Variants in LEPR observed in about 807,000 individuals in gnomAD.
The protein encoded by LEPR is OB receptor.
Under a neutral mutation model 114.7 loss-of-function variants are expected in LEPR, and 56 were observed. That is an observed-to-expected ratio of 0.49 (90% confidence interval 0.39 to 0.61). LEPR has a LOEUF of 0.61. Ranked by LOEUF, LEPR falls within the 20% of genes least tolerant of loss-of-function variation. LEPR has a pLI of 0.00. For synonymous variants in LEPR, 443 were observed against 461.4 expected, an observed-to-expected ratio of 0.96 and a Z score of 0.51; for missense variants, 1,202 against 1,352.9, an observed-to-expected ratio of 0.89 and a Z score of 1.75.
In LEPR at chr1:65,638,391, C is replaced by A. The variant is rs1421448926; in HGVS notation, c.*1376C>A. ...AATTCAAAGACAGCATATTGGGCAA[C>A]AAACTAAATTAAGAAACCTGCACAT... On this transcript the variant is annotated 3_prime_UTR_variant, in exon 20 of 20. Transcript: ENST00000349533. 6.6e-6 allele frequency: 1 copy of A among 152,074 alleles called. No individual in the cohort carries two copies. Among genetic ancestry groups the A allele is most frequent in the Admixed American group, 6.5e-5 (1 of 15,268 alleles). 9.4% of individuals were successfully genotyped at this position (152,074 alleles called of 1,614,324 possible). A position where few individuals can be genotyped will look rare whatever the true frequency, so the allele number is the denominator to read the frequency against.
chr1:65,507,493 G>GTGTGTGTATATATATATACATATA (rs1648804104), intron 2 of LEPR, among the ~76,000 whole-genome samples: 2 of 138,698 alleles, frequency 1.4e-5, no homozygotes, highest in African/African-American at 2.9e-5. Context: ...ATGTATATAT[G>GTGTGTGTATATATATATACATATA]TGTGTGTATA....
intron 2 of LEPR, 74 bp from the exon 3 acceptor site, chr1:65,565,472 G>A: frequency 6.9e-7 from 1 of 1,444,560 alleles, no homozygotes; most frequent in Non-Finnish European, 9.6e-7. Flanking sequence ...TTCCTTTTAT[G>A]TTTTCCACAG....
At chr1:65,428,226 C>T (rs1646417816) in intron 2 of LEPR, among the ~76,000 whole-genome samples, 1 of 152,026 alleles carries the variant, frequency 6.6e-6, no homozygotes, top group African/African-American at 2.4e-5. Flanking sequence ...AACAAGGTTT[C>T]TTGTACATTA....
chr1:65,487,706 AT>A (rs574644655), intron 2 of LEPR, among the ~76,000 whole-genome samples: 6,752 of 72,242 alleles, frequency 0.093, 475 homozygotes, highest in African/African-American at 0.19. Context: ...AAATTAAAAA[AT>A]TTTTTTTTAA....
chr1:65,626,069 C>T, intron 19 of LEPR: 1 of 1,542,918 alleles, frequency 6.5e-7, no homozygotes, highest in Non-Finnish European at 8.9e-7. Context: ...TGATCAGGCC[C>T]ACATCAGCAA....
chr1:65,566,409 G>A (rs1371360258), intron 3 of LEPR, among the ~76,000 whole-genome samples: 1 of 152,038 alleles, frequency 6.6e-6, no homozygotes, highest in Non-Finnish European at 1.5e-5. Flanking sequence ...CACTGCGTTG[G>A]CCAGATGGTC....
intron 2 of LEPR, chr1:65,432,408 A>G: frequency 1.2e-6 from 1 of 842,718 alleles, no homozygotes; most frequent in South Asian, 5.4e-5. Flanking sequence ...CTGAAGCCCC[A>G]CTCTGGACCC....
chr1:65,468,971 G>T (rs1647050011), intron 2 of LEPR, among the ~76,000 whole-genome samples: 2 of 152,180 alleles, frequency 1.3e-5, no homozygotes, highest in South Asian at 2.1e-4. Context: ...GAACTGAGAT[G>T]CATTTTCTGG....
intron 19 of LEPR, among the ~76,000 whole-genome samples, chr1:65,629,520 T>C (rs1234496382): frequency 6.6e-6 from 1 of 152,168 alleles, no homozygotes. Context: ...TTAAAAAATA[T>C]ATTAGATATA....
chr1:65,557,576 C>T (rs995758069), intron 2 of LEPR, among the ~76,000 whole-genome samples: 3 of 152,116 alleles, frequency 2.0e-5, no homozygotes, highest in Non-Finnish European at 4.4e-5. Context: ...CACGCCACCA[C>T]ACCCAGCTAC....
intron 2 of LEPR, among the ~76,000 whole-genome samples, chr1:65,546,435 C>T (rs1651732701): frequency 6.6e-6 from 1 of 152,104 alleles, no homozygotes; most frequent in Non-Finnish European, 1.5e-5. Flanking sequence ...TCTTCCTACC[C>T]ATGAGCATGG....
At chr1:65,434,780 C>T (rs913323099) in intron 2 of LEPR, 19 of 985,254 alleles carry the variant, frequency 1.9e-5, no homozygotes, top group Non-Finnish European at 1.9e-5. Context: ...AGAACCTTCC[C>T]ACTGGGCTCC....
intron 2 of LEPR, among the ~76,000 whole-genome samples, chr1:65,506,609 T>C (rs908432889): frequency 6.6e-6 from 1 of 152,206 alleles, no homozygotes; most frequent in African/African-American, 2.4e-5. Flanking sequence ...AAAAGCTCAT[T>C]AAGCAATACA....
chr1:65,634,518 C>T, intron 19 of LEPR: 1 of 943,482 alleles, frequency 1.1e-6, no homozygotes, highest in Non-Finnish European at 1.3e-6. Flanking sequence ...ACTGACAAAA[C>T]ATATTTCAAT....
chr1:65,546,294 C>T (rs1367724787), intron 2 of LEPR, among the ~76,000 whole-genome samples: 2 of 152,148 alleles, frequency 1.3e-5, no homozygotes, highest in Non-Finnish European at 2.9e-5. Flanking sequence ...GATGCGGGCT[C>T]TTTTTTGGTT....
chr1:65,574,663 A>C (rs1654452663), intron 5 of LEPR, among the ~76,000 whole-genome samples: 2 of 152,252 alleles, frequency 1.3e-5, no homozygotes, highest in Admixed American at 6.5e-5. Flanking sequence ...ATATTTACAC[A>C]ATGTTTAAAA....
At chr1:65,634,206 T>G in intron 19 of LEPR, 4 of 975,834 alleles carry the variant, frequency 4.1e-6, no homozygotes, top group Non-Finnish European at 4.9e-6. Flanking sequence ...TATTCAAATT[T>G]ATTATATATG....
At chr1:65,429,133 C>T (rs1281647381) in intron 2 of LEPR, among the ~76,000 whole-genome samples, 2 of 152,022 alleles carry the variant, frequency 1.3e-5, no homozygotes, top group African/African-American at 4.8e-5. Flanking sequence ...GTGGTATGTT[C>T]GAGGGTGACC....
intron 3 of LEPR, 71 bp downstream of exon 3, chr1:65,565,676 TTTTA>T (rs1254810211): frequency 2.0e-6 from 3 of 1,533,250 alleles, no homozygotes; most frequent in African/African-American, 2.7e-5. Flanking sequence ...AGAGATGCTG[TTTTA>T]TTTATTAGCT....
Sources: gnomAD v4.1 joint callset for allele counts (sites outside exome capture counted in the v4.1 genomes callset) on GRCh38, gnomAD v4.1.1 for gene constraint, MANE v1.5 for transcripts, NCBI Gene and HGNC (gene_info 2026-07-23, HGNC 2026-07-21) for gene names.